Variants in ZFP69B observed in about 807,000 individuals in gnomAD.
ZFP69B encodes the protein zinc finger protein 69 homolog B.
Under a neutral mutation model 19.7 loss-of-function variants are expected in ZFP69B, and 20 were observed. The ratio of observed to expected loss-of-function variants is 1.02; its 90% confidence interval spans 0.71 to 1.48. The LOEUF is 1.48. ZFP69B is among the 40% of genes most tolerant of loss of function. The probability of loss-of-function intolerance (pLI) is 0.00; values close to 1 mark genes in which losing one functional copy is unlikely to be tolerated. For synonymous variants in ZFP69B, 220 were observed against 222.7 expected, an observed-to-expected ratio of 0.99 and a Z score of 0.11; for missense variants, 583 against 632.6, an observed-to-expected ratio of 0.92 and a Z score of 0.84.
rs1174201657 is a variant in ZFP69B at position 40,455,151 on chromosome 1, G to A, written c.213+863G>A. Among the ~76,000 whole-genome samples, 7 of 152,304 alleles carry A rather than the reference G, an allele frequency of 4.6e-5. No homozygotes were observed. In the East Asian group the frequency reaches 9.6e-4, roughly 21 times the overall value. ...GAGCTAAATAGGCTAAGCAGAAAAG[G>A]AAGGAAAACTTCTAATAGCAGTTTA... On this transcript the variant is annotated intron_variant, in intron 2 of 4. Transcript: ENST00000361584.
At position 40,463,126 on chromosome 1, in the gene ZFP69B, A is replaced by G. The variant is rs769928543; in HGVS notation, c.1142A>G (p.His381Arg). 6.4e-5 allele frequency: 104 copies of G among 1,614,086 alleles called. No individual in the cohort carries two copies. Among genetic ancestry groups the G allele is most frequent in the Middle Eastern group, 1.6e-4 (1 of 6,084 alleles). ...AFSQSIGLIQHLRTHVREKPF... is the reference protein window; with the variant it reads ...AFSQSIGLIQRLRTHVREKPF... ...AGCCAGAGCATTGGACTGATCCAGC[A>G]TTTGAGAACTCATGTTAGAGAGAAA... Residue 381 changes from histidine (H) to arginine (R), a missense_variant, in exon 5 of 5, where the codon CAT (histidine) becomes CGT (arginine). By Grantham distance (29) the His-to-Arg change is conservative. Coordinates refer to ENST00000361584, the MANE Select transcript of ZFP69B (RefSeq NM_023070.3).
Position 40,450,692 on chromosome 1 carries a change from C to T in ZFP69B, c.-270C>T, listed in dbSNP as rs1328121372. 3.9e-6 allele frequency: 1 copy of T among 256,744 alleles called. No homozygotes were observed. The highest frequency in any genetic ancestry group is 5.3e-5 in the Admixed American group (1 of 18,908). 15.9% of individuals were successfully genotyped at this position (256,744 alleles called of 1,614,324 possible). ...GCTGCTGAGAGTAAATACTTGGCGC[C>T]TCCAGCTGCTGGCCAAGGAGACAGA... On this transcript the variant is annotated 5_prime_UTR_variant, in exon 1 of 5. Coordinates refer to ENST00000361584, the MANE Select transcript of ZFP69B (RefSeq NM_023070.3).
At chr1:40,455,498 G>A (rs576959358) in intron 2 of ZFP69B, among the ~76,000 whole-genome samples, 2 of 152,284 alleles carry the variant, frequency 1.3e-5, no homozygotes, top group East Asian at 3.9e-4. Flanking sequence ...TTTACAATAC[G>A]AAACATTAAA....
intron 1 of ZFP69B, among the ~76,000 whole-genome samples, chr1:40,451,548 C>T (rs1645186399): frequency 1.3e-5 from 2 of 151,414 alleles, no homozygotes; most frequent in Non-Finnish European, 2.9e-5. Flanking sequence ...TTAAGGGTCT[C>T]TCACTCGACA....
At position 40,454,302 on chromosome 1, in the gene ZFP69B, T is replaced by A. The variant is rs1557505153; in HGVS notation, c.213+14T>A. 6.5e-7 allele frequency: 1 copy of A among 1,546,306 alleles called. No individual in the cohort carries two copies. The highest frequency in any genetic ancestry group is 8.8e-7 in the Non-Finnish European group (1 of 1,141,360). ...GCAGAATCCCAGGTGGGTTGGAGTT[T>A]CTGGTCACTTTCTTGACATTGTTTC... On this transcript the variant is annotated intron_variant, in intron 2 of 4. Transcript: ENST00000361584.
In ZFP69B at chr1:40,463,209, C is replaced by T; in HGVS notation, c.1225C>T (p.His409Tyr). The T allele has an allele frequency of 1.9e-6, 3 of 1,614,164 alleles. No individual in the cohort carries two copies. The highest frequency in any genetic ancestry group is 1.7e-6 in the Non-Finnish European group (2 of 1,180,024). Residue 409 changes from histidine (H) to tyrosine (Y), a missense_variant, in exon 5 of 5, where the codon CAT (histidine) becomes TAT (tyrosine). By Grantham distance (83) the His-to-Tyr change is moderately conservative (BLOSUM62 2). Transcript: ENST00000361584. ...TTTCCAGATTAGACACCTTAGGCAACATGAGATTATTCATACTGGTGTGAA... is the reference window on the plus strand; with the variant it reads ...TTTCCAGATTAGACACCTTAGGCAATATGAGATTATTCATACTGGTGTGAA... Reference protein sequence around the residue: ...AFFQIRHLRQHEIIHTGVKPY... With the variant: ...AFFQIRHLRQYEIIHTGVKPY...
intron 4 of ZFP69B, 23 bp downstream of exon 4, chr1:40,457,462 C>T: frequency 6.2e-7 from 1 of 1,601,800 alleles, no homozygotes; most frequent in Non-Finnish European, 8.6e-7. Flanking sequence ...CAGGTGGGGC[C>T]TTTGTGATGT....
intron 4 of ZFP69B, among the ~76,000 whole-genome samples, chr1:40,461,732 C>T (rs942783277): frequency 4.6e-5 from 7 of 152,084 alleles, no homozygotes; most frequent in Admixed American, 3.3e-4. Flanking sequence ...TAGGTTGAGG[C>T]TGCAGTGAGC....
At chr1:40,452,539 A>T (rs985837566) in intron 1 of ZFP69B, among the ~76,000 whole-genome samples, 1 of 152,242 alleles carries the variant, frequency 6.6e-6, no homozygotes, top group Non-Finnish European at 1.5e-5. Flanking sequence ...TCTTAAAAAG[A>T]CAACATCATG....
rs927770382 is a variant in ZFP69B, at chr1:40,463,190, G to T, written c.1206G>T (p.Gln402His). The T allele has an allele frequency of 1.2e-6, 2 of 1,614,144 alleles. No homozygotes were observed. Among genetic ancestry groups the T allele is most frequent in the Non-Finnish European group, 1.7e-6 (2 of 1,180,020 alleles). The part of the protein sequence containing the change: ...TCKDCGKAFF[Q>H]IRHLRQHEII... Reference sequence around the variant, plus strand: ...AAGACTGTGGAAAAGCGTTTTTCCAGATTAGACACCTTAGGCAACATGAGA... The same window carrying T: ...AAGACTGTGGAAAAGCGTTTTTCCATATTAGACACCTTAGGCAACATGAGA... The change falls in exon 5 of 5, where the codon CAG becomes CAT. Residue 402 changes from glutamine to histidine, a missense_variant. Coordinates refer to ENST00000361584, the MANE Select transcript of ZFP69B (RefSeq NM_023070.3).
intron 2 of ZFP69B, among the ~76,000 whole-genome samples, chr1:40,454,688 C>T (rs185547750): frequency 7.9e-4 from 121 of 152,304 alleles, no homozygotes; most frequent in Non-Finnish European, 1.4e-3. Flanking sequence ...TGAGCCACCA[C>T]GCCCAGCCGA....
At chr1:40,453,813 A>G (rs1159528679) in intron 1 of ZFP69B, among the ~76,000 whole-genome samples, 1 of 152,136 alleles carries the variant, frequency 6.6e-6, no homozygotes, top group Non-Finnish European at 1.5e-5. Flanking sequence ...TGGAAGTTGC[A>G]GTGAACCAAG....
chr1:40,461,575 G>T (rs1296244904), intron 4 of ZFP69B, among the ~76,000 whole-genome samples: 2 of 152,044 alleles, frequency 1.3e-5, no homozygotes, highest in Non-Finnish European at 2.9e-5. Context: ...CAGGTGGATT[G>T]CTTGAGCTCA....
intron 1 of ZFP69B, among the ~76,000 whole-genome samples, chr1:40,453,888 T>C (rs1468262705): frequency 1.3e-5 from 2 of 152,134 alleles, no homozygotes; most frequent in African/African-American, 4.8e-5. Flanking sequence ...ATAATAATAA[T>C]TAAAAAATAA....
At chr1:40,457,299 G>C in intron 3 of ZFP69B, 45 bp from the exon 4 acceptor site, 1 of 1,593,588 alleles carries the variant, frequency 6.3e-7, no homozygotes, top group Non-Finnish European at 8.6e-7. Flanking sequence ...TCTTGGGATG[G>C]CTCTGTGACC....
rs952540016 is a variant in ZFP69B, at chr1:40,463,111, T to C, written c.1127T>C (p.Ile376Thr). The change falls in exon 5 of 5, where the codon ATT becomes ACT. Residue 376 changes from isoleucine (I) to threonine (T), a missense_variant. Coordinates refer to ENST00000361584, the MANE Select transcript of ZFP69B (RefSeq NM_023070.3). ...TGTGAGAAAGCCTTCAGCCAGAGCA[T>C]TGGACTGATCCAGCATTTGAGAACT... ...RVCEKAFSQS[I>T]GLIQHLRTHV... The C allele has an allele frequency of 1.9e-6, 3 of 1,614,136 alleles. No individual in the cohort carries two copies. Among genetic ancestry groups the C allele is most frequent in the South Asian group, 2.2e-5 (2 of 91,080 alleles).
Position 40,450,955 on chromosome 1 carries a change from C to T in ZFP69B, c.-7C>T, listed in dbSNP as rs751907828. The stretch of plus-strand genomic sequence containing the variant: ...GAGGGTCCTCAGAAAGGAGTGCGGA[C>T]GCCGTCATGCTGCAGCAGCTCCTGA... On this transcript the variant is annotated 5_prime_UTR_variant, in exon 1 of 5. The change creates a new upstream start codon in the 5' untranslated region. Coordinates refer to ENST00000361584, the MANE Select transcript of ZFP69B (RefSeq NM_023070.3). 9.1e-6 allele frequency: 14 copies of T among 1,542,364 alleles called. No homozygotes were observed. The South Asian group carries it at 1.6e-4, about 17-fold the overall frequency.
At chr1:40,451,896 A>T (rs1367532119) in intron 1 of ZFP69B, among the ~76,000 whole-genome samples, 1 of 152,068 alleles carries the variant, frequency 6.6e-6, no homozygotes, top group Admixed American at 6.6e-5. Flanking sequence ...GGATTGCTTG[A>T]GACCAGGAGT....
chr1:40,457,217 T>C, intron 3 of ZFP69B, 127 bp from the exon 4 acceptor site: 1 of 1,483,016 alleles, frequency 6.7e-7, no homozygotes, highest in Non-Finnish European at 9.3e-7. Flanking sequence ...GCTATGCTCT[T>C]TTCTGCTCTG....
Sources: allele counts gnomAD v4.1 joint callset (sites outside exome capture counted in the v4.1 genomes callset), GRCh38; gene constraint gnomAD v4.1.1; transcripts MANE v1.5; gene names NCBI Gene and HGNC (gene_info 2026-07-23, HGNC 2026-07-21).